The following GPAT4 variants were observed in gnomAD, a reference collection of about 807,000 sequenced individuals.
GPAT4 encodes glycerol-3-phosphate acyltransferase 4.
Under a neutral mutation model 58.0 loss-of-function variants are expected in GPAT4, and 17 were observed. That is an observed-to-expected ratio of 0.29 (90% confidence interval 0.20 to 0.44). The LOEUF is 0.44. Ranked by LOEUF, GPAT4 falls within the 20% of genes least tolerant of loss-of-function variation. The pLI is 1.00. For missense variants in GPAT4, 377 were observed against 574.5 expected, an observed-to-expected ratio of 0.66 and a Z score of 3.51; for synonymous variants, 204 against 210.1, an observed-to-expected ratio of 0.97 and a Z score of 0.25.
intron 1 of GPAT4, among the ~76,000 whole-genome samples, chr8:41,581,985 G>T (rs373081540): frequency 3.9e-4 from 46 of 118,584 alleles, no homozygotes; most frequent in African/African-American, 1.3e-3. Flanking sequence ...ATCAAGGGAA[G>T]TTCAATGATT....
intron 1 of GPAT4, among the ~76,000 whole-genome samples, chr8:41,583,976 A>G (rs963044899): frequency 1.3e-5 from 2 of 152,174 alleles, no homozygotes; most frequent in African/African-American, 4.8e-5. Flanking sequence ...GGCTCACTGC[A>G]GCCTCAGCCG....
At chr8:41,589,886 G>C (rs1802746067) in intron 1 of GPAT4, among the ~76,000 whole-genome samples, 1 of 152,226 alleles carries the variant, frequency 6.6e-6, no homozygotes, top group Non-Finnish European at 1.5e-5. Context: ...GGAGTGGAGA[G>C]ACAGCAATGG....
intron 10 of GPAT4, among the ~76,000 whole-genome samples, chr8:41,617,059 C>G (rs1052786189): frequency 3.9e-5 from 6 of 152,150 alleles, no homozygotes. Flanking sequence ...CCATATCAGG[C>G]TTTATAAAAT....
At chr8:41,608,222 C>T (rs552614432) in intron 2 of GPAT4, among the ~76,000 whole-genome samples, 1 of 152,346 alleles carries the variant, frequency 6.6e-6, no homozygotes, top group African/African-American at 2.4e-5. Flanking sequence ...ATTAAACTCG[C>T]GTGCAGCATT....
intron 2 of GPAT4, among the ~76,000 whole-genome samples, chr8:41,609,087 A>G (rs1803363140): frequency 6.6e-6 from 1 of 152,190 alleles, no homozygotes; most frequent in South Asian, 2.1e-4. Flanking sequence ...GTGCAGGAGG[A>G]ATCGTGAGGT....
At chr8:41,586,366 A>G (rs929470952) in intron 1 of GPAT4, among the ~76,000 whole-genome samples, 4 of 152,154 alleles carry the variant, frequency 2.6e-5, no homozygotes, top group Admixed American at 2.6e-4. Context: ...GAATAATGCC[A>G]TTGTAAGCAT....
intron 1 of GPAT4, among the ~76,000 whole-genome samples, chr8:41,583,985 C>T (rs35323046): frequency 0.048 from 7,338 of 152,228 alleles, 202 homozygotes; most frequent in Non-Finnish European, 0.067. Context: ...CAGCCTCAGC[C>T]GACTGGACTC....
chr8:41,595,240 C>G (rs1463866794), intron 1 of GPAT4, among the ~76,000 whole-genome samples: 1 of 146,342 alleles, frequency 6.8e-6, no homozygotes, highest in Non-Finnish European at 1.5e-5. Context: ...TCTGGTTGGA[C>G]CTTTGTATGG....
intron 1 of GPAT4, among the ~76,000 whole-genome samples, chr8:41,583,287 T>C (rs1297261234): frequency 6.6e-6 from 1 of 151,984 alleles, no homozygotes; most frequent in Non-Finnish European, 1.5e-5. Flanking sequence ...ACTTTGCTAT[T>C]GAATACTGGA....
intron 10 of GPAT4, 139 bp downstream of exon 10, chr8:41,615,187 C>T (rs906726570): frequency 1.8e-5 from 13 of 725,206 alleles, no homozygotes; most frequent in African/African-American, 3.6e-5. Context: ...GCTGGGTTGA[C>T]GTGGGTCAAG....
intron 2 of GPAT4, among the ~76,000 whole-genome samples, chr8:41,602,690 G>A (rs2150495232): frequency 6.6e-6 from 1 of 152,310 alleles, no homozygotes; most frequent in Middle Eastern, 3.4e-3. Context: ...GGGTGTTTAT[G>A]TGTACCTTTC....
chr8:41,597,330 C>G (rs1585658494), intron 1 of GPAT4, among the ~76,000 whole-genome samples: 1 of 151,998 alleles, frequency 6.6e-6, no homozygotes, highest in Non-Finnish European at 1.5e-5. Flanking sequence ...AGTGTGAAGC[C>G]AAAATATTTG....
At chr8:41,601,026 G>A (rs1027667324) in intron 2 of GPAT4, among the ~76,000 whole-genome samples, 5 of 152,236 alleles carry the variant, frequency 3.3e-5, no homozygotes, top group South Asian at 4.2e-4. Context: ...GATGGACAAG[G>A]ATGGGCTGTT....
At chr8:41,591,085 C>T (rs1304536034) in intron 1 of GPAT4, among the ~76,000 whole-genome samples, 1 of 152,118 alleles carries the variant, frequency 6.6e-6, no homozygotes, top group African/African-American at 2.4e-5. Flanking sequence ...TAAGGGCTTA[C>T]AACTCTAAGG....
intron 2 of GPAT4, among the ~76,000 whole-genome samples, chr8:41,605,758 G>A (rs1484433248): frequency 2.0e-5 from 3 of 152,180 alleles, no homozygotes; most frequent in African/African-American, 7.2e-5. Flanking sequence ...TGTTAGTAGA[G>A]ATGGGGTTTT....
intron 5 of GPAT4, 83 bp downstream of exon 5, chr8:41,610,893 T>C (rs1238196422): frequency 1.4e-6 from 2 of 1,397,728 alleles, no homozygotes; most frequent in African/African-American, 1.4e-5. Context: ...GGACACTTCT[T>C]TGGACACAAC....
intron 2 of GPAT4, among the ~76,000 whole-genome samples, chr8:41,604,036 AT>A (rs66464170): frequency 0.11 from 15,847 of 138,564 alleles, 694 homozygotes; most frequent in Middle Eastern, 0.2. Context: ...ACACCTTTTA[AT>A]TTTTTTTTTT....
intron 4 of GPAT4, chr8:41,610,485 T>C (rs1803408594): frequency 1.5e-6 from 2 of 1,347,356 alleles, no homozygotes; most frequent in African/African-American, 1.5e-5. Context: ...TTTTCCAGCC[T>C]TCCAGCTGCC....
rs538680562 is a variant in GPAT4, at chr8:41,591,998, C to T, written c.-848-6294C>T. Among the ~76,000 whole-genome samples, 10 of 152,338 alleles carry T rather than the reference C, an allele frequency of 6.6e-5. No individual in the cohort carries two copies. In the East Asian group the frequency reaches 1.9e-3, roughly 29 times the overall value. ...CTTGTAAACGTTTGATTCGGTTGAG[C>T]ATGTAAATGGCAGTCCAGTATCCCT... is the stretch of plus-strand genomic sequence containing the variant. On this transcript the variant is annotated intron_variant, in intron 1 of 12. Transcript: ENST00000396987.
Sources: allele counts gnomAD v4.1 joint callset (sites outside exome capture counted in the v4.1 genomes callset), GRCh38; gene constraint gnomAD v4.1.1; transcripts MANE v1.5; gene names NCBI Gene and HGNC (gene_info 2026-07-23, HGNC 2026-07-21).